APAF1: variants seen among roughly 807,000 people sequenced by gnomAD.
APAF1 encodes apoptotic protease-activating factor 1.
A neutral mutation model predicts 152.4 loss-of-function variants in APAF1; 91 were observed. That is an observed-to-expected ratio of 0.60 (90% CI 0.50 to 0.71). The LOEUF (loss-of-function observed/expected upper bound fraction) is 0.71, where lower values mean the gene tolerates loss of function less well. Ranked by LOEUF, APAF1 falls within the 30% of genes least tolerant of loss-of-function variation. The pLI, the probability that APAF1 is intolerant of heterozygous loss-of-function variation, is 0.00. For missense variants in APAF1, 1,283 were observed against 1,472.0 expected, an observed-to-expected ratio of 0.87 and a Z score of 2.10; for synonymous variants, 484 against 494.1, an observed-to-expected ratio of 0.98 and a Z score of 0.27.
intron 4 of APAF1, among the ~76,000 whole-genome samples, chr12:98,653,282 G>T (rs1162251995): frequency 6.6e-6 from 1 of 152,022 alleles, no homozygotes; most frequent in Non-Finnish European, 1.5e-5. Flanking sequence ...TAATATAAGA[G>T]ATCTAAATTT....
At chr12:98,646,830 T>C (rs1208919639) in intron 1 of APAF1, among the ~76,000 whole-genome samples, 1 of 152,236 alleles carries the variant, frequency 6.6e-6, no homozygotes, top group East Asian at 1.9e-4. Context: ...AGTATTTTAC[T>C]ATAAAGGCTG....
chr12:98,704,182 C>G (rs1380818707), intron 18 of APAF1, among the ~76,000 whole-genome samples: 1 of 151,124 alleles, frequency 6.6e-6, no homozygotes, highest in Non-Finnish European at 1.5e-5. Flanking sequence ...CCAGGCTGGT[C>G]TTGAACTCTT....
rs542039178 is a variant in APAF1, at chr12:98,656,602, A to T, written c.527-2558A>T. Reference sequence around the variant, plus strand: ...ATTCTGATCTAAGTCTTCTTCTGTCATTCCTATGTGTTTCTGCCATACCCT... The same window carrying T: ...ATTCTGATCTAAGTCTTCTTCTGTCTTTCCTATGTGTTTCTGCCATACCCT... On this transcript the variant is annotated intron_variant, in intron 4 of 26. Coordinates refer to ENST00000551964, the MANE Select transcript of APAF1 (RefSeq NM_181861.2). 1.0e-3 allele frequency among the ~76,000 whole-genome samples: 153 copies of T among 152,274 alleles called. 2 individuals are homozygous for T. The highest frequency in any genetic ancestry group is 1.5e-4 in the Non-Finnish European group (10 of 68,010).
At position 98,683,228 on chromosome 12, in the gene APAF1, G is replaced by T. The variant is rs757675000; in HGVS notation, c.2132G>T (p.Ser711Ile). ...QVNCCHFTNS[S>I]HHLLLATGSS... ...AATTGCTGCCATTTCACCAACAGTA[G>T]TCATCATCTTCTCTTAGCCACTGGG... Residue 711 changes from serine (S) to isoleucine (I), a missense_variant, in exon 15 of 27, where the codon AGT becomes ATT. By Grantham distance (142) the Ser-to-Ile change is moderately radical. Transcript: ENST00000551964. 2.5e-6 allele frequency: 4 copies of T among 1,613,956 alleles called. No individual in the cohort carries two copies. The highest frequency in any genetic ancestry group is 3.4e-6 in the Non-Finnish European group (4 of 1,179,944).
intron 16 of APAF1, among the ~76,000 whole-genome samples, chr12:98,696,815 A>C (rs962374414): frequency 2.6e-5 from 4 of 152,142 alleles, no homozygotes; most frequent in African/African-American, 4.8e-5. Context: ...CAGTCTTTTC[A>C]CTTAAAATGT....
At chr12:98,705,765 T>C (rs2097720726) in intron 18 of APAF1, among the ~76,000 whole-genome samples, 1 of 152,204 alleles carries the variant, frequency 6.6e-6, no homozygotes, top group Non-Finnish European at 1.5e-5. Context: ...GGTTTTACAG[T>C]CAGTTGAAAT....
chr12:98,654,646 A>G (rs1441114448), intron 4 of APAF1, among the ~76,000 whole-genome samples: 1 of 151,946 alleles, frequency 6.6e-6, no homozygotes, highest in Non-Finnish European at 1.5e-5. Flanking sequence ...GACCCAAGTG[A>G]TCCCCTCGCC....
chr12:98,718,294 G>A (rs1224258454), intron 22 of APAF1, among the ~76,000 whole-genome samples: 1 of 151,858 alleles, frequency 6.6e-6, no homozygotes, highest in Admixed American at 6.6e-5. Flanking sequence ...GTGCAGTGGT[G>A]CAATCTCGGC....
chr12:98,732,600 A>C lies in APAF1; in HGVS notation c.*34A>C. ...AGCATTAATGTAGTTGAACTTTTTAAATTTTTGAATTGGAAAAAAATTCTA... is the reference window on the plus strand; with the variant it reads ...AGCATTAATGTAGTTGAACTTTTTACATTTTTGAATTGGAAAAAAATTCTA... On this transcript the variant is annotated 3_prime_UTR_variant, in exon 27 of 27. Coordinates refer to ENST00000551964, the MANE Select transcript of APAF1 (RefSeq NM_181861.2). 6.9e-7 allele frequency: 1 copy of C among 1,450,162 alleles called. No individual in the cohort carries two copies. The highest frequency in any genetic ancestry group is 9.5e-7 in the Non-Finnish European group (1 of 1,054,282). The allele number at this position is 1,450,162 out of a possible 1,614,324, so 89.8% of individuals were successfully genotyped here.
In APAF1 at chr12:98,655,489, C is replaced by T. The variant is rs1247742665; in HGVS notation, c.527-3671C>T. Among the ~76,000 whole-genome samples the T allele has an allele frequency of 3.1e-3, 447 of 144,160 alleles. 3 individuals carry two copies. The highest frequency in any genetic ancestry group is 2.9e-3 in the Non-Finnish European group (188 of 65,926). 94.6% of individuals were successfully genotyped at this position (144,160 alleles called of 152,430 possible). The stretch of plus-strand genomic sequence containing the variant: ...CCCCCCACCTCCCTCCCGGACGGGG[C>T]GGCTGGCCGGGCAGAGGGGCTCCTC... On this transcript the variant is annotated intron_variant, in intron 4 of 26. Coordinates refer to ENST00000551964, the MANE Select transcript of APAF1 (RefSeq NM_181861.2).
chr12:98,677,900 C>T (rs1013906575), intron 13 of APAF1, among the ~76,000 whole-genome samples: 3 of 152,108 alleles, frequency 2.0e-5, no homozygotes, highest in Non-Finnish European at 4.4e-5. Context: ...TAGGAAAATA[C>T]CTATTTTATC....
chr12:98,649,719 G>T (rs1265744879), intron 4 of APAF1, 35 bp downstream of exon 4: 1 of 1,566,910 alleles, frequency 6.4e-7, no homozygotes, highest in Non-Finnish European at 8.8e-7. Context: ...GTCTAGTAAG[G>T]TAGATAGACA....
chr12:98,708,593 G>A lies in APAF1; in HGVS notation c.2730G>A (p.Glu910=), dbSNP rs766034386. 1.2e-6 allele frequency: 2 copies of A among 1,613,278 alleles called. No individual in the cohort carries two copies. Among genetic ancestry groups the A allele is most frequent in the Non-Finnish European group, 1.7e-6 (2 of 1,179,620 alleles). ...SSDDQTIRLW[E]TKKVCKNSAV... is the part of the protein sequence containing the mutation. ...CTTTATCTCTTAATCAGCTCTGGGAGACAAAGAAAGTATGTAAGAACTCTG... is the reference window on the plus strand; with the variant it reads ...CTTTATCTCTTAATCAGCTCTGGGAAACAAAGAAAGTATGTAAGAACTCTG... The change falls in exon 20 of 27, where the codon GAG becomes GAA. Residue 910 remains glutamate, a synonymous_variant. Transcript: ENST00000551964.
At chr12:98,682,461 C>T (rs1429795276) in intron 14 of APAF1, among the ~76,000 whole-genome samples, 5 of 152,300 alleles carry the variant, frequency 3.3e-5, no homozygotes, top group Non-Finnish European at 7.4e-5. Flanking sequence ...GGTTAAGTGT[C>T]GATCCCGTTT....
chr12:98,734,984 G>A lies in APAF1; in HGVS notation c.*2418G>A, dbSNP rs763463259. ...AATTAGGAGCCAGGTGCGGTGGCAC[G>A]TGCCTGTAATCCCAGCTCCTTGGGA... On this transcript the variant is annotated 3_prime_UTR_variant, in exon 27 of 27. Transcript: ENST00000551964. 3 of 385,162 alleles carry A rather than the reference G, an allele frequency of 7.8e-6. No homozygotes were observed. The highest frequency in any genetic ancestry group is 9.1e-6 in the Non-Finnish European group (2 of 218,600). 23.9% of individuals were successfully genotyped at this position (385,162 alleles called of 1,614,324 possible). A position where few individuals can be genotyped will look rare whatever the true frequency, so the allele number is the denominator to read the frequency against.
intron 13 of APAF1, among the ~76,000 whole-genome samples, chr12:98,678,877 A>G (rs2097689354): frequency 6.6e-6 from 1 of 152,164 alleles, no homozygotes; most frequent in Admixed American, 6.5e-5. Context: ...TGATGAGCAT[A>G]GGAGGGAAGC....
At chr12:98,652,917 G>A (rs962173331) in intron 4 of APAF1, among the ~76,000 whole-genome samples, 2 of 152,096 alleles carry the variant, frequency 1.3e-5, no homozygotes, top group African/African-American at 4.8e-5. Context: ...GAGCCACTGT[G>A]CTCAGCTGGT....
intron 15 of APAF1, among the ~76,000 whole-genome samples, chr12:98,685,255 A>G (rs2097696757): frequency 6.6e-6 from 1 of 152,082 alleles, no homozygotes; most frequent in African/African-American, 2.4e-5. Flanking sequence ...AAGAGAGGAG[A>G]TATAATATAA....
chr12:98,728,501 C>G (rs2097754615), intron 26 of APAF1, among the ~76,000 whole-genome samples: 1 of 152,146 alleles, frequency 6.6e-6, no homozygotes, highest in Non-Finnish European at 1.5e-5. Context: ...GGGCAGATCA[C>G]TTGAGGTCAG....
Sources: allele counts gnomAD v4.1 joint callset (sites outside exome capture counted in the v4.1 genomes callset), GRCh38; gene constraint gnomAD v4.1.1; transcripts MANE v1.5; gene names NCBI Gene and HGNC (gene_info 2026-07-23, HGNC 2026-07-21).